Variants in SHF observed in about 807,000 individuals in gnomAD.
The protein encoded by SHF is Src homology 2 domain containing F.
A neutral mutation model predicts 42.4 loss-of-function variants in SHF; 30 were observed. The observed-to-expected ratio is 0.71, with a 90% CI of 0.53 to 0.96. The LOEUF is 0.96. SHF is among the 40% of genes least tolerant of loss of function. The probability of loss-of-function intolerance (pLI) is 0.00; values close to 1 mark genes in which losing one functional copy is unlikely to be tolerated. For synonymous variants in SHF, 264 were observed against 269.9 expected, an observed-to-expected ratio of 0.98 and a Z score of 0.21; for missense variants, 598 against 634.0, an observed-to-expected ratio of 0.94 and a Z score of 0.61.
At chr15:45,179,525 T>C (rs1156561855) in intron 1 of SHF, among the ~76,000 whole-genome samples, 1 of 152,192 alleles carries the variant, frequency 6.6e-6, no homozygotes, top group Non-Finnish European at 1.5e-5. Context: ...CTGCCATTCA[T>C]CGCACAGTGA....
At chr15:45,199,266 T>G in intron 1 of SHF, 1 of 640,924 alleles carries the variant, frequency 1.6e-6, no homozygotes, top group Non-Finnish European at 2.6e-6. Context: ...CCGTGCCAGG[T>G]GCCCACCTAG....
chr15:45,193,184 T>C (rs968838452), intron 2 of SHF, among the ~76,000 whole-genome samples: 3 of 152,250 alleles, frequency 2.0e-5, no homozygotes, highest in African/African-American at 7.2e-5. Context: ...AATTCTGTAA[T>C]TCTATGAACT....
intron 1 of SHF, among the ~76,000 whole-genome samples, chr15:45,181,598 T>A (rs947136075): frequency 3.3e-5 from 5 of 152,208 alleles, no homozygotes; most frequent in African/African-American, 1.2e-4. Flanking sequence ...AGGTACTCAA[T>A]GTATACTAAG....
chr15:45,190,050 T>G (rs1165803815), upstream of SHF, among the ~76,000 whole-genome samples: 1 of 152,154 alleles, frequency 6.6e-6, no homozygotes, highest in Non-Finnish European at 1.5e-5. Flanking sequence ...CAAACTTTAA[T>G]GTGGACACTA....
At chr15:45,195,786 G>A (rs560594513) in intron 2 of SHF, among the ~76,000 whole-genome samples, 1 of 152,300 alleles carries the variant, frequency 6.6e-6, no homozygotes, top group South Asian at 2.1e-4. Flanking sequence ...GGCTTTGGGT[G>A]TCCAGTTCTG....
upstream of SHF, among the ~76,000 whole-genome samples, chr15:45,188,156 C>A (rs994834805): frequency 2.3e-4 from 35 of 152,302 alleles, no homozygotes; most frequent in African/African-American, 8.2e-4. Context: ...TATGCACAGG[C>A]AAGAAGTGAA....
chr15:45,190,623 T>C (rs1898687176), upstream of SHF, among the ~76,000 whole-genome samples: 1 of 152,180 alleles, frequency 6.6e-6, no homozygotes, highest in Non-Finnish European at 1.5e-5. Context: ...GCAGGCTTCA[T>C]GCAGGACAGG....
At chr15:45,173,510 A>G in intron 4 of SHF, 66 bp downstream of exon 4, 1 of 1,432,598 alleles carries the variant, frequency 7.0e-7, no homozygotes, top group Non-Finnish European at 9.1e-7. Context: ...AGCTCCTCCA[A>G]CCCAACCCAC....
chr15:45,175,749 C>T (rs1897766310), intron 2 of SHF, among the ~76,000 whole-genome samples: 1 of 152,172 alleles, frequency 6.6e-6, no homozygotes, highest in African/African-American at 2.4e-5. Flanking sequence ...TGTCCACTTC[C>T]TCCCTGATGC....
chr15:45,168,056 G>A lies in SHF; in HGVS notation c.1358C>T (p.Pro453Leu), dbSNP rs927104056. ...CACAATTTCAGGGACGCTGCTGAAG[G>A]GCGGGCTGTTCTGGCCCAGCACATA... is the stretch of plus-strand genomic sequence containing the variant. The part of the protein sequence containing the change: ...HKYVLGQNSP[P>L]FSSVPEIVHH... Residue 453 changes from proline (P) to leucine (L), a missense_variant, in exon 7 of 7, where the codon CCC becomes CTC. Pro to Leu is a moderately conservative substitution (Grantham distance 98). Coordinates refer to ENST00000690270, the MANE Select transcript of SHF (RefSeq NM_001394037.1). 2 of 1,613,446 alleles carry A rather than the reference G, an allele frequency of 1.2e-6. No individual in the cohort carries two copies. The highest frequency in any genetic ancestry group is 1.7e-6 in the Non-Finnish European group (2 of 1,179,654).
At chr15:45,187,050 C>G (rs186093229) in intron 1 of SHF, among the ~76,000 whole-genome samples, 11 of 152,320 alleles carry the variant, frequency 7.2e-5, no homozygotes, top group Admixed American at 5.9e-4. Flanking sequence ...GGGGAAGGGT[C>G]AGAGATCAAA....
rs371456438 is a variant in SHF at position 45,175,209 on chromosome 15, C to G, written c.847+10G>C. 2,090 of 1,604,710 alleles carry G rather than the reference C, an allele frequency of 1.3e-3. 2 individuals carry two copies. The highest frequency in any genetic ancestry group is 1.7e-3 in the Non-Finnish European group (1,946 of 1,176,952). On this transcript the variant is annotated intron_variant, in intron 3 of 6. Transcript: ENST00000690270. ...GCCCCAGCTGACCTGCCCTCTCCAC[C>G]AGGACTCACCTGCAAAGGCTTTGGA...
intron 1 of SHF, 121 bp from the exon 2 acceptor site, chr15:45,178,427 A>C (rs1429949625): frequency 1.7e-6 from 2 of 1,164,168 alleles, no homozygotes; most frequent in African/African-American, 1.6e-5. Flanking sequence ...CCAGACCCCC[A>C]GGTACTCAAA....
chr15:45,198,604 A>C lies in SHF; in HGVS notation c.303+168T>G, dbSNP rs1194559342. On this transcript the variant is annotated intron_variant, in intron 2 of 7. Transcript: ENST00000290894. ...CCCCTTGCCGTGCCATTGTTCCCACAATGCCGTGACTCGGATTCGAACCGA... is the reference window on the plus strand; with the variant it reads ...CCCCTTGCCGTGCCATTGTTCCCACCATGCCGTGACTCGGATTCGAACCGA... 6 of 738,914 alleles carry C rather than the reference A, an allele frequency of 8.1e-6. No individual in the cohort carries two copies. In the South Asian group the frequency reaches 8.7e-5, roughly 11 times the overall value. 45.8% of individuals were successfully genotyped at this position (738,914 alleles called of 1,614,324 possible). A position where few individuals can be genotyped will look rare whatever the true frequency, so the allele number is the denominator to read the frequency against.
rs541641952 is a variant in SHF at position 45,187,568 on chromosome 15, C to T, written c.384G>A (p.Thr128=). 1,191 of 1,228,582 alleles carry T rather than the reference C, an allele frequency of 9.7e-4. 2 individuals are homozygous for T. Among genetic ancestry groups the T allele is most frequent in the Non-Finnish European group, 1.1e-3 (1,131 of 985,434 alleles). The allele number at this position is 1,228,582 out of a possible 1,614,324, so 76.1% of individuals were successfully genotyped here. Residue 128 remains threonine (T), a synonymous_variant, in exon 1 of 7, where the codon ACG becomes ACA. Transcript: ENST00000690270. ...GGGGAGAGCCGTGGCGCGGGGGCGG[C>T]GTGGGTCCGGGGGCGACAGGGGTGG... ...ALATPVAPGP[T]PPPRHGSPPH... is the part of the protein sequence containing the mutation.
In SHF at chr15:45,187,955, GC is replaced by G; in HGVS notation, c.-5del. 3 of 1,134,324 alleles carry G rather than the reference GC, an allele frequency of 2.6e-6. No homozygotes were observed. The highest frequency in any genetic ancestry group is 3.2e-6 in the Non-Finnish European group (3 of 927,200). The allele number at this position is 1,134,324 out of a possible 1,614,324, so 70.3% of individuals were successfully genotyped here. ...GAGGAGCTCCGCTCAGTAACATGGGGCCAGCCAGACTGAGCGAGGGGAGCGC... is the reference window on the plus strand; with the variant it reads ...GAGGAGCTCCGCTCAGTAACATGGGGCAGCCAGACTGAGCGAGGGGAGCGC... On this transcript the variant is annotated 5_prime_UTR_variant, in exon 1 of 7. Coordinates refer to ENST00000690270, the MANE Select transcript of SHF (RefSeq NM_001394037.1).
chr15:45,198,089 A>AT (rs981263161), intron 2 of SHF, among the ~76,000 whole-genome samples: 21 of 151,672 alleles, frequency 1.4e-4, no homozygotes, highest in South Asian at 4.2e-4. Flanking sequence ...CTCAAAAACA[A>AT]TTTTTTTTAA....
chr15:45,192,891 G>A (rs773128819), upstream of SHF, among the ~76,000 whole-genome samples: 10 of 152,126 alleles, frequency 6.6e-5, no homozygotes, highest in Admixed American at 2.0e-4. Flanking sequence ...TTTCTGAAAG[G>A]AGCACTACAT....
At chr15:45,186,733 G>A (rs1898427811) in intron 1 of SHF, among the ~76,000 whole-genome samples, 1 of 152,238 alleles carries the variant, frequency 6.6e-6, no homozygotes, top group Admixed American at 6.5e-5. Context: ...GCCCCATGTG[G>A]GCAACAGGTC....
Sources: allele counts gnomAD v4.1 joint callset (sites outside exome capture counted in the v4.1 genomes callset), GRCh38; gene constraint gnomAD v4.1.1; transcripts MANE v1.5; gene names NCBI Gene and HGNC (gene_info 2026-07-23, HGNC 2026-07-21).